Variants in C8orf34 observed in about 807,000 individuals in gnomAD.
C8orf34 encodes chromosome 8 open reading frame 34.
In C8orf34, 65 loss-of-function variants were observed where a neutral mutation model predicts 68.3. The ratio of observed to expected loss-of-function variants is 0.95; its 90% CI spans 0.78 to 1.17. C8orf34 has a LOEUF of 1.17. C8orf34 is among the 50% of genes most tolerant of loss of function. C8orf34 has a pLI of 0.00. For synonymous variants in C8orf34, 244 were observed against 241.2 expected (o/e 1.01, Z -0.11); for missense variants, 664 against 655.4 (o/e 1.01, Z -0.14).
chr8:68,522,612 A>G (rs1279153368), intron 6 of C8orf34, among the ~76,000 whole-genome samples: 1 of 152,220 alleles, frequency 6.6e-6, no homozygotes, highest in Non-Finnish European at 1.5e-5. Context: ...TGTGCTGGTA[A>G]TAGTGAATTA....
At chr8:68,671,969 G>A (rs1353678729) in intron 8 of C8orf34, among the ~76,000 whole-genome samples, 1 of 152,126 alleles carries the variant, frequency 6.6e-6, no homozygotes, top group Non-Finnish European at 1.5e-5. Flanking sequence ...TGAGTTCTCA[G>A]CTGGGACTCC....
At chr8:68,637,751 A>C (rs1818888076) in intron 7 of C8orf34, among the ~76,000 whole-genome samples, 1 of 152,178 alleles carries the variant, frequency 6.6e-6, no homozygotes, top group Non-Finnish European at 1.5e-5. Context: ...AAGGGACACT[A>C]GCAAAATCGC....
At position 68,331,526 on chromosome 8, in the gene C8orf34, G is replaced by A. The variant is rs1280075887; in HGVS notation, c.327+187G>A. The A allele has an allele frequency of 1.5e-5, 10 of 688,160 alleles. No homozygotes were observed. In the East Asian group the frequency reaches 2.8e-4, roughly 19 times the overall value. The allele number at this position is 688,160 out of a possible 1,614,324, so 42.6% of individuals were successfully genotyped here. ...GCCAGGTGTCCTGGAACGCGGCCGG[G>A]CGGGCACTTAGCCAGTTACCTGAAC... On this transcript the variant is annotated intron_variant, in intron 1 of 13. Coordinates refer to ENST00000518698, the MANE Select transcript of C8orf34 (RefSeq NM_052958.4).
chr8:68,675,249 A>G (rs1820147015), intron 8 of C8orf34, among the ~76,000 whole-genome samples: 1 of 152,184 alleles, frequency 6.6e-6, no homozygotes, highest in East Asian at 1.9e-4. Context: ...GGTAATAGTA[A>G]GTACACAGAA....
At chr8:68,737,366 G>T (rs1822150765) in intron 10 of C8orf34, among the ~76,000 whole-genome samples, 1 of 152,050 alleles carries the variant, frequency 6.6e-6, no homozygotes, top group Non-Finnish European at 1.5e-5. Context: ...ATGAGAGGCA[G>T]TATTGTTTAT....
chr8:68,390,572 C>A (rs1396385826), intron 1 of C8orf34, among the ~76,000 whole-genome samples: 2 of 152,170 alleles, frequency 1.3e-5, no homozygotes, highest in African/African-American at 2.4e-5. Context: ...TACTTCTATC[C>A]TTTTTTCTTT....
chr8:68,750,606 TTA>T (rs1459842897), intron 10 of C8orf34, among the ~76,000 whole-genome samples: 6 of 152,136 alleles, frequency 3.9e-5, no homozygotes, highest in African/African-American at 1.4e-4. Flanking sequence ...ACGGTAAATG[TTA>T]TGTTACGTGC....
At position 68,493,329 on chromosome 8, in the gene C8orf34, A is replaced by G. The variant is rs147133221; in HGVS notation, c.765+5278A>G. ...AAAATGGGCAAAGGATTGAGTAGACATTTCTCCAAAGATGATGTACAGATG... is the reference window on the plus strand; with the variant it reads ...AAAATGGGCAAAGGATTGAGTAGACGTTTCTCCAAAGATGATGTACAGATG... On this transcript the variant is annotated intron_variant, in intron 5 of 13. Transcript: ENST00000518698. 3.3e-5 allele frequency among the ~76,000 whole-genome samples: 5 copies of G among 152,252 alleles called. 1 individual carries two copies. Among genetic ancestry groups the G allele is most frequent in the Admixed American group, 2.0e-4 (3 of 15,292 alleles).
intron 10 of C8orf34, among the ~76,000 whole-genome samples, chr8:68,766,591 A>G (rs1823182656): frequency 6.6e-6 from 1 of 152,196 alleles, no homozygotes; most frequent in Non-Finnish European, 1.5e-5. Context: ...GCTGATATGT[A>G]ACCAATAAGG....
At chr8:68,731,918 C>T (rs1189745929) in intron 10 of C8orf34, among the ~76,000 whole-genome samples, 2 of 152,246 alleles carry the variant, frequency 1.3e-5, no homozygotes, top group Admixed American at 1.3e-4. Context: ...GACAGAAATG[C>T]TGGGACCTCA....
At chr8:68,436,506 G>A (rs16934605) in intron 1 of C8orf34, among the ~76,000 whole-genome samples, 5,933 of 152,092 alleles carry the variant, frequency 0.039, 179 homozygotes, top group African/African-American at 0.071. Context: ...TTCAGGGCAG[G>A]AGTGCTCTTA....
intron 8 of C8orf34, among the ~76,000 whole-genome samples, chr8:68,642,734 G>C (rs746704440): frequency 6.6e-6 from 1 of 152,180 alleles, no homozygotes; most frequent in Non-Finnish European, 1.5e-5. Flanking sequence ...GCCTCCATCT[G>C]TATCCTCCAA....
intron 7 of C8orf34, among the ~76,000 whole-genome samples, chr8:68,568,542 G>T (rs1250544887): frequency 1.3e-5 from 2 of 151,668 alleles, no homozygotes; most frequent in Non-Finnish European, 2.9e-5. Context: ...ATGCAGGGCT[G>T]CCACAAAGCT....
rs566949579 is a variant in C8orf34, at chr8:68,368,179, C to T, written c.327+36840C>T. Among the ~76,000 whole-genome samples the T allele has an allele frequency of 1.9e-3, 287 of 152,090 alleles. 3 individuals are homozygous for T. Among genetic ancestry groups the T allele is most frequent in the Non-Finnish European group, 2.1e-3 (146 of 67,988 alleles). ...CACAGATTATCCTCTGAAATTGCAC[C>T]GGAAAGTAGATTTAATTATGATGCA... is the stretch of plus-strand genomic sequence containing the variant. On this transcript the variant is annotated intron_variant, in intron 1 of 13. Coordinates refer to ENST00000518698, the MANE Select transcript of C8orf34 (RefSeq NM_052958.4).
intron 9 of C8orf34, among the ~76,000 whole-genome samples, chr8:68,713,237 G>C (rs1297221304): frequency 6.6e-6 from 1 of 151,958 alleles, no homozygotes; most frequent in East Asian, 1.9e-4. Context: ...AGCACAAATA[G>C]ATAATCTAAG....
At chr8:68,800,995 C>T (rs534064066) in intron 12 of C8orf34, among the ~76,000 whole-genome samples, 1 of 152,252 alleles carries the variant, frequency 6.6e-6, no homozygotes, top group East Asian at 1.9e-4. Context: ...GCTATGTTTA[C>T]ATATTTTCTC....
intron 1 of C8orf34, among the ~76,000 whole-genome samples, chr8:68,356,309 G>A (rs535935204): frequency 2.0e-4 from 30 of 152,062 alleles, no homozygotes; most frequent in Non-Finnish European, 4.0e-4. Context: ...GTTCTTTGGT[G>A]CATGGTATTG....
chr8:68,601,941 T>C (rs1817710637), intron 7 of C8orf34, among the ~76,000 whole-genome samples: 1 of 152,128 alleles, frequency 6.6e-6, no homozygotes, highest in African/African-American at 2.4e-5. Flanking sequence ...CCACTGGGCC[T>C]TGATGAAAAC....
At chr8:68,354,995 A>G (rs1806687632) in intron 1 of C8orf34, among the ~76,000 whole-genome samples, 1 of 152,038 alleles carries the variant, frequency 6.6e-6, no homozygotes, top group Non-Finnish European at 1.5e-5. Flanking sequence ...AAAAAAAAAC[A>G]TTGAAAATAG....
Sources: allele counts gnomAD v4.1 joint callset (sites outside exome capture counted in the v4.1 genomes callset), GRCh38; gene constraint gnomAD v4.1.1; transcripts MANE v1.5; gene names NCBI Gene and HGNC (gene_info 2026-07-23, HGNC 2026-07-21).